The following DPF3 variants were observed in gnomAD, a reference collection of about 807,000 sequenced individuals.
DPF3 encodes double PHD fingers 3.
Under a neutral mutation model 56.8 loss-of-function variants are expected in DPF3, and 18 were observed. That is an observed-to-expected ratio of 0.32 (90% confidence interval 0.22 to 0.47). The LOEUF is 0.47. Among genes scored for constraint, DPF3 ranks in the 20% least tolerant of loss-of-function variants. The pLI is 1.00. For synonymous variants in DPF3, 188 were observed against 180.2 expected, an observed-to-expected ratio of 1.04 and a Z score of -0.35; for missense variants, 403 against 488.8, an observed-to-expected ratio of 0.82 and a Z score of 1.65.
intron 6 of DPF3, among the ~76,000 whole-genome samples, chr14:72,712,168 G>A (rs891541009): frequency 2.0e-4 from 30 of 152,072 alleles, no homozygotes; most frequent in African/African-American, 7.0e-4. Context: ...AAAGCCTGCC[G>A]TCAGGCCTCC....
At chr14:72,842,395 G>C (rs1174294052) in intron 1 of DPF3, among the ~76,000 whole-genome samples, 1 of 152,200 alleles carries the variant, frequency 6.6e-6, no homozygotes, top group East Asian at 1.9e-4. Flanking sequence ...ACTATATAGC[G>C]ATGAGAATGA....
chr14:72,664,958 G>A (rs1056925973), intron 8 of DPF3, among the ~76,000 whole-genome samples: 17 of 152,140 alleles, frequency 1.1e-4, no homozygotes, highest in African/African-American at 1.9e-4. Context: ...GTACTTAGGC[G>A]GGTTTTCAAA....
At chr14:72,796,853 G>A (rs1381351562) in intron 1 of DPF3, among the ~76,000 whole-genome samples, 2 of 152,112 alleles carry the variant, frequency 1.3e-5, no homozygotes, top group African/African-American at 4.8e-5. Context: ...TTATAAAGAT[G>A]GACCCCAAGA....
Position 72,756,932 on chromosome 14 carries a change from AG to A in DPF3, c.194-3562del, listed in dbSNP as rs368867051. 4.1e-3 allele frequency among the ~76,000 whole-genome samples: 525 copies of A among 129,270 alleles called. 3 individuals carry two copies. The highest frequency in any genetic ancestry group is 0.012 in the South Asian group (41 of 3,536). The allele number at this position is 129,270 out of a possible 152,430, so 84.8% of individuals were successfully genotyped here. Reference sequence around the variant, plus strand: ...AAAGAAAGAAAGAAAGAAAGAAAGAAGAGAAGAGAAGAGAAAGGGAGAGGGA... The same window carrying A: ...AAAGAAAGAAAGAAAGAAAGAAAGAAAGAAGAGAAGAGAAAGGGAGAGGGA... On this transcript the variant is annotated intron_variant, in intron 2 of 10. Transcript: ENST00000556509.
At chr14:72,688,139 C>A (rs1887493317) in intron 7 of DPF3, among the ~76,000 whole-genome samples, 1 of 132,252 alleles carries the variant, frequency 7.6e-6, no homozygotes, top group South Asian at 2.7e-4. Flanking sequence ...GATAGATGGA[C>A]AGATGAGATG....
intron 8 of DPF3, among the ~76,000 whole-genome samples, chr14:72,666,907 A>G (rs1886466549): frequency 6.6e-6 from 1 of 152,214 alleles, no homozygotes; most frequent in South Asian, 2.1e-4. Context: ...TCAAGATCAT[A>G]TTCATCAGAT....
rs1342750430 is a variant in DPF3, at chr14:72,610,354, C to T, written c.*8943G>A. Among the ~76,000 whole-genome samples the T allele has an allele frequency of 2.6e-5, 4 of 152,150 alleles. No homozygotes were observed. ...CCAGGGACCTGGTCATCCTTCCTAC[C>T]ATAGGAGCCACCTGCCAAAGCCCAC... On this transcript the variant is annotated 3_prime_UTR_variant, in exon 11 of 11. Transcript: ENST00000556509.
chr14:72,889,139 C>G (rs1178358040), intron 1 of DPF3, among the ~76,000 whole-genome samples: 1 of 152,190 alleles, frequency 6.6e-6, no homozygotes, highest in Non-Finnish European at 1.5e-5. Context: ...TCCAACTCAG[C>G]TGTCTCTGAA....
chr14:72,796,304 C>T (rs1433504555), intron 1 of DPF3, among the ~76,000 whole-genome samples: 2 of 152,142 alleles, frequency 1.3e-5, no homozygotes, highest in Non-Finnish European at 2.9e-5. Context: ...GAGTTTGAGA[C>T]CAGCCTGGAC....
intron 1 of DPF3, among the ~76,000 whole-genome samples, chr14:72,852,820 CTACA>C (rs1885032050): frequency 6.6e-6 from 1 of 152,182 alleles, no homozygotes; most frequent in African/African-American, 2.4e-5. Flanking sequence ...TTGCCACACA[CTACA>C]TACATACTGT....
intron 8 of DPF3, among the ~76,000 whole-genome samples, chr14:72,664,990 A>G (rs1012638084): frequency 3.3e-5 from 5 of 152,214 alleles, no homozygotes; most frequent in African/African-American, 9.6e-5. Flanking sequence ...GCCATTTTAC[A>G]TGGGTTAGGT....
rs73306220 is a variant in DPF3 at position 72,870,351 on chromosome 14, G to A, written c.32+23706C>T. On this transcript the variant is annotated intron_variant, in intron 1 of 10. Coordinates refer to ENST00000556509, the MANE Select transcript of DPF3 (RefSeq NM_001280542.3). ...TGTGGAAAGGGCAGAGCTCATCCAG[G>A]AAAGAAGTAGTCTCCTTCCCCTTAG... Among the ~76,000 whole-genome samples the A allele has an allele frequency of 2.3e-3, 348 of 152,332 alleles. 2 individuals carry two copies. Among genetic ancestry groups the A allele is most frequent in the African/African-American group, 8.2e-3 (341 of 41,576 alleles).
chr14:72,804,172 C>T (rs1325918645), intron 1 of DPF3, among the ~76,000 whole-genome samples: 1 of 145,876 alleles, frequency 6.9e-6, no homozygotes, highest in Non-Finnish European at 1.5e-5. Flanking sequence ...TCCAGCACTG[C>T]TTTCCAGGAC....
chr14:72,698,239 G>A (rs999850999), intron 6 of DPF3, among the ~76,000 whole-genome samples: 1 of 152,148 alleles, frequency 6.6e-6, no homozygotes, highest in Non-Finnish European at 1.5e-5. Flanking sequence ...ATACACATTC[G>A]ATAGAAACCA....
chr14:72,683,993 C>T (rs10129954), intron 7 of DPF3, among the ~76,000 whole-genome samples: 75,750 of 151,914 alleles, frequency 0.5, 20,014 homozygotes, highest in East Asian at 0.94. Flanking sequence ...TGTATTCAAA[C>T]GTGATGAAAG....
intron 3 of DPF3, among the ~76,000 whole-genome samples, chr14:72,737,365 G>T (rs954597459): frequency 1.3e-5 from 2 of 152,122 alleles, no homozygotes; most frequent in African/African-American, 4.8e-5. Context: ...TGCACTGAAA[G>T]CAAAGCTTCC....
intron 8 of DPF3, among the ~76,000 whole-genome samples, chr14:72,644,657 G>T (rs73296114): frequency 0.018 from 2,796 of 152,298 alleles, 83 homozygotes; most frequent in African/African-American, 0.065. Flanking sequence ...TTAAAGTAGT[G>T]CAGCAGGAGG....
chr14:72,621,186 G>A (rs944970064), intron 9 of DPF3, among the ~76,000 whole-genome samples: 1 of 150,704 alleles, frequency 6.6e-6, no homozygotes, highest in Non-Finnish European at 1.5e-5. Flanking sequence ...TTCTTGAATA[G>A]TTCATTTGGA....
At chr14:72,628,198 G>C (rs1371268580) in intron 9 of DPF3, among the ~76,000 whole-genome samples, 2 of 152,132 alleles carry the variant, frequency 1.3e-5, no homozygotes, top group African/African-American at 4.8e-5. Context: ...CCTAATCTTA[G>C]TGGAATTGTG....
Sources: allele counts gnomAD v4.1 joint callset (sites outside exome capture counted in the v4.1 genomes callset), GRCh38; gene constraint gnomAD v4.1.1; transcripts MANE v1.5; gene names NCBI Gene and HGNC (gene_info 2026-07-23, HGNC 2026-07-21).